ARAP2: variants seen among roughly 807,000 people sequenced by gnomAD.
ARAP2 encodes the protein arf-GAP with Rho-GAP domain, ANK repeat and PH domain-containing protein 2.
A neutral mutation model predicts 194.5 loss-of-function variants in ARAP2; 148 were observed. That is an observed-to-expected ratio of 0.76 (90% CI 0.67 to 0.87). The LOEUF is 0.87. Ranked by LOEUF, ARAP2 falls within the 40% of genes least tolerant of loss-of-function variation. The pLI is 0.00. For synonymous variants in ARAP2, 695 were observed against 683.5 expected, an observed-to-expected ratio of 1.02 and a Z score of -0.26; for missense variants, 2,128 against 1,989.7, an observed-to-expected ratio of 1.07 and a Z score of -1.32.
chr4:36,100,877 G>A (rs1322755523), intron 27 of ARAP2, among the ~76,000 whole-genome samples: 1 of 151,792 alleles, frequency 6.6e-6, no homozygotes, highest in Non-Finnish European at 1.5e-5. Context: ...CTATTTCTTA[G>A]GATAAGCCAA....
At chr4:36,213,174 G>T in intron 4 of ARAP2, 69 bp downstream of exon 4, 1 of 1,133,324 alleles carries the variant, frequency 8.8e-7, no homozygotes, top group East Asian at 2.4e-5. Context: ...GGAGAAAAAT[G>T]AAGAGGTACA....
intron 3 of ARAP2, among the ~76,000 whole-genome samples, chr4:36,049,690 T>A (rs1016601546): frequency 2.0e-5 from 3 of 152,164 alleles, no homozygotes; most frequent in African/African-American, 7.2e-5. Context: ...AGCCAATGCA[T>A]AACCTAGTAC....
chr4:36,156,726 A>G (rs1732639106), intron 15 of ARAP2, among the ~76,000 whole-genome samples: 1 of 152,180 alleles, frequency 6.6e-6, no homozygotes, highest in African/African-American at 2.4e-5. Flanking sequence ...TTTGCTGGTA[A>G]ATTGGATGGA....
chr4:36,014,224 CG>C (rs1715115335), intron 8 of ARAP2, among the ~76,000 whole-genome samples: 1 of 61,696 alleles, frequency 1.6e-5, no homozygotes, highest in Non-Finnish European at 3.2e-5. Context: ...GAGACCCTAT[CG>C]AAAGAAAGAA....
Position 36,073,802 on chromosome 4 carries a change from G to A in ARAP2, c.4630C>T (p.Pro1544Ser), listed in dbSNP as rs910528835. Residue 1544 changes from proline (P) to serine (S), a missense_variant, in exon 32 of 33, where the codon CCA becomes TCA. Pro to Ser is a moderately conservative substitution (Grantham distance 74). Coordinates refer to ENST00000303965, the MANE Select transcript of ARAP2 (RefSeq NM_015230.4). Reference sequence around the variant, plus strand: ...GAACGTTTTCGTTCCTTTCCAGCTGGTGGCCATATATCATATTCATGCTGT... The same window carrying A: ...GAACGTTTTCGTTCCTTTCCAGCTGATGGCCATATATCATATTCATGCTGT... ...IAQHEYDIWP[P>S]AGKERKRSIT... is the part of the protein sequence containing the mutation. 1.7e-5 allele frequency: 27 copies of A among 1,612,952 alleles called. No homozygotes were observed. Among genetic ancestry groups the A allele is most frequent in the Non-Finnish European group, 2.3e-5 (27 of 1,179,252 alleles).
chr4:36,142,385 G>A lies in ARAP2; in HGVS notation c.3263+4911C>T, dbSNP rs1315769493. Among the ~76,000 whole-genome samples the A allele has an allele frequency of 3.3e-5, 5 of 151,386 alleles. No homozygotes were observed. In the Admixed American group the frequency reaches 3.3e-4, roughly 10 times the overall value. ...ATCTGAAAACAAACTGCACATATAT[G>A]CCCTTTCTGGGTCAAACCCCTTACC... is the stretch of plus-strand genomic sequence containing the variant. On this transcript the variant is annotated intron_variant, in intron 19 of 32. Coordinates refer to ENST00000303965, the MANE Select transcript of ARAP2 (RefSeq NM_015230.4).
chr4:36,214,991 C>T (rs993830267), intron 2 of ARAP2, among the ~76,000 whole-genome samples: 6 of 151,982 alleles, frequency 3.9e-5, no homozygotes, highest in Admixed American at 2.0e-4. Context: ...CTTACAGTCT[C>T]GGAAGGAAGA....
At chr4:36,091,068 C>T (rs772076298) in intron 28 of ARAP2, among the ~76,000 whole-genome samples, 4 of 152,070 alleles carry the variant, frequency 2.6e-5, no homozygotes, top group Non-Finnish European at 5.9e-5. Context: ...AAAAAGTACA[C>T]AAATCATACA....
chr4:36,238,208 C>A (rs1192234044), intron 1 of ARAP2, among the ~76,000 whole-genome samples: 71 of 152,140 alleles, frequency 4.7e-4, no homozygotes, highest in Admixed American at 4.7e-3. Flanking sequence ...TCCTCTGTAC[C>A]CTGTTCTCTA....
intron 9 of ARAP2, among the ~76,000 whole-genome samples, chr4:36,176,981 C>T (rs1738076540): frequency 6.6e-6 from 1 of 151,520 alleles, no homozygotes; most frequent in Non-Finnish European, 1.5e-5. Context: ...AGTTCAATTC[C>T]ACAATTACTA....
chr4:36,144,085 A>G lies in ARAP2; in HGVS notation c.3263+3211T>C, dbSNP rs180813798. On this transcript the variant is annotated intron_variant, in intron 19 of 32. Coordinates refer to ENST00000303965, the MANE Select transcript of ARAP2 (RefSeq NM_015230.4). ...AGTAAGCACTAAATAGAATTACATT[A>G]AACTGAATCATTCTAATCCATGTTT... is the stretch of plus-strand genomic sequence containing the variant. 1.3e-3 allele frequency among the ~76,000 whole-genome samples: 201 copies of G among 151,960 alleles called. 1 individual carries two copies. Among genetic ancestry groups the G allele is most frequent in the African/African-American group, 3.7e-3 (155 of 41,510 alleles).
At chr4:36,059,369 C>T (rs565036722) in intron 1 of ARAP2, among the ~76,000 whole-genome samples, 43 of 152,202 alleles carry the variant, frequency 2.8e-4, no homozygotes, top group East Asian at 1.2e-3. Context: ...ATATAATCAA[C>T]GGCAGAGTGT....
At chr4:36,014,909 T>C (rs1012707494) in intron 8 of ARAP2, among the ~76,000 whole-genome samples, 2 of 152,312 alleles carry the variant, frequency 1.3e-5, no homozygotes, top group African/African-American at 4.8e-5. Flanking sequence ...TTTCCTATTA[T>C]AACATATAGG....
At chr4:36,151,659 A>G (rs967385517) in intron 15 of ARAP2, among the ~76,000 whole-genome samples, 2 of 152,224 alleles carry the variant, frequency 1.3e-5, no homozygotes, top group African/African-American at 4.8e-5. Flanking sequence ...ACTTTAGGGC[A>G]TTATTTATAA....
At chr4:36,189,385 A>C (rs990935136) in intron 7 of ARAP2, among the ~76,000 whole-genome samples, 1 of 152,146 alleles carries the variant, frequency 6.6e-6, no homozygotes, top group Non-Finnish European at 1.5e-5. Context: ...CCATCATCTC[A>C]ATTATTCATC....
chr4:36,223,913 A>G (rs1749688052), intron 2 of ARAP2, among the ~76,000 whole-genome samples: 1 of 152,174 alleles, frequency 6.6e-6, no homozygotes, highest in Admixed American at 6.6e-5. Context: ...GTATTTCGTC[A>G]TGGTAGCCAG....
chr4:36,064,008 C>T (rs1345623033), downstream of ARAP2, among the ~76,000 whole-genome samples: 1 of 152,150 alleles, frequency 6.6e-6, no homozygotes, highest in Admixed American at 6.5e-5. Flanking sequence ...TAGTTACGTT[C>T]ATAAGTCATA....
At chr4:36,057,609 GTTGGTGCATGT>G (rs1723736589) in intron 2 of ARAP2, among the ~76,000 whole-genome samples, 2 of 151,650 alleles carry the variant, frequency 1.3e-5, no homozygotes, top group African/African-American at 4.8e-5. Context: ...TTCACTAACC[GTTGGTGCATGT>G]CAATTATGCT....
At chr4:36,043,792 A>AGG in intron 5 of ARAP2, among the ~76,000 whole-genome samples, 5 of 100,928 alleles carry the variant, frequency 5.0e-5, no homozygotes, top group African/African-American at 1.5e-4. Context: ...AAAGAAGAGA[A>AGG]GAGAAGGGAA....
Sources: gnomAD v4.1 joint callset for allele counts (sites outside exome capture counted in the v4.1 genomes callset) on GRCh38, gnomAD v4.1.1 for gene constraint, MANE v1.5 for transcripts, NCBI Gene and HGNC (gene_info 2026-07-23, HGNC 2026-07-21) for gene names.